The following CDH15 variants were observed in gnomAD, a reference collection of about 807,000 sequenced individuals.
The protein encoded by CDH15 is cadherin-15.
CDH15 carries 73 observed loss-of-function variants against 69.4 expected under a neutral mutation model. The observed-to-expected ratio is 1.05, with a 90% CI of 0.87 to 1.28. The LOEUF (loss-of-function observed/expected upper bound fraction) is 1.28, where lower values mean the gene tolerates loss of function less well. Among genes scored for constraint, CDH15 ranks in the 50% most tolerant of loss-of-function variants. CDH15 has a pLI of 0.00. For synonymous variants in CDH15, 624 were observed against 507.7 expected (o/e 1.23, Z -3.08); for missense variants, 1,343 against 1,133.6 (o/e 1.18, Z -2.65).
chr16:89,175,094 GCTCT>G (rs1915230944), intron 1 of CDH15, among the ~76,000 whole-genome samples: 10 of 152,234 alleles, frequency 6.6e-5, no homozygotes, highest in Admixed American at 6.5e-4. Context: ...CCCTGCCAAG[GCTCT>G]GTGGCTGCTG....
At chr16:89,178,322 C>T (rs1915301041) in intron 1 of CDH15, among the ~76,000 whole-genome samples, 1 of 152,174 alleles carries the variant, frequency 6.6e-6, no homozygotes, top group South Asian at 2.1e-4. Context: ...GCCCAGGCCC[C>T]ATCCCCGAGC....
At chr16:89,179,021 G>A (rs564562576) in intron 1 of CDH15, among the ~76,000 whole-genome samples, 1 of 152,184 alleles carries the variant, frequency 6.6e-6, no homozygotes, top group African/African-American at 2.4e-5. Flanking sequence ...TGTCCCCGCC[G>A]GGTGAATCTC....
In CDH15 at chr16:89,183,585, T is replaced by C; in HGVS notation, c.395T>C (p.Leu132Pro). The stretch of plus-strand genomic sequence containing the variant: ...GCCCTGGACCTGGGAGGATCCACCC[T>C]GGAGGACCCCACGGACCTGGAGATT... ...AFALDLGGST[L>P]EDPTDLEIVV... The change falls in exon 4 of 14, where the codon CTG becomes CCG. Residue 132 changes from leucine (L) to proline (P), a missense_variant. Coordinates refer to ENST00000289746, the MANE Select transcript of CDH15 (RefSeq NM_004933.3). 1 of 1,614,136 alleles carries C rather than the reference T, an allele frequency of 6.2e-7. No homozygotes were observed. Among genetic ancestry groups the C allele is most frequent in the Non-Finnish European group, 8.5e-7 (1 of 1,180,016 alleles).
chr16:89,194,675 C>T (rs1018494343), intron 13 of CDH15, among the ~76,000 whole-genome samples, 187 bp from the exon 14 acceptor site: 1 of 152,166 alleles, frequency 6.6e-6, no homozygotes, highest in Non-Finnish European at 1.5e-5. Flanking sequence ...TCCGTGGCAC[C>T]CTCTTCACAA....
intron 11 of CDH15, 137 bp downstream of exon 11, chr16:89,192,581 C>T (rs1915677332): frequency 3.3e-6 from 2 of 603,066 alleles, no homozygotes; most frequent in Non-Finnish European, 5.8e-6. Context: ...TTACCAGCCA[C>T]GCCGCTTCCT....
chr16:89,185,686 T>G (rs1915468321), intron 5 of CDH15: 1 of 367,912 alleles, frequency 2.7e-6, no homozygotes, highest in Non-Finnish European at 5.2e-6. Flanking sequence ...CTGTCGGACT[T>G]CGGTGCTCCC....
At chr16:89,188,405 T>C in intron 7 of CDH15, 120 bp downstream of exon 7, 2 of 669,784 alleles carry the variant, frequency 3.0e-6, no homozygotes, top group Admixed American at 2.1e-5. Context: ...CACACACACA[T>C]GCCGGCACAC....
intron 5 of CDH15, among the ~76,000 whole-genome samples, chr16:89,187,187 G>A (rs898753442): frequency 3.9e-5 from 6 of 152,206 alleles, no homozygotes; most frequent in African/African-American, 1.4e-4. Flanking sequence ...CTCTGTAAAC[G>A]CTTACCCAGT....
intron 5 of CDH15, 28 bp from the exon 6 acceptor site, chr16:89,187,401 C>T (rs569430157): frequency 1.2e-6 from 2 of 1,611,308 alleles, no homozygotes; most frequent in Middle Eastern, 1.7e-4. Flanking sequence ...GGGCCCTCAT[C>T]TTCTGACCCT....
At chr16:89,180,736 GT>G (rs1915357021) in intron 3 of CDH15, among the ~76,000 whole-genome samples, 1 of 151,890 alleles carries the variant, frequency 6.6e-6, no homozygotes, top group Non-Finnish European at 1.5e-5. Flanking sequence ...TTTGTTTTTT[GT>G]TTTTGAGATG....
At chr16:89,173,751 G>A (rs1209964850) in intron 1 of CDH15, among the ~76,000 whole-genome samples, 2 of 152,156 alleles carry the variant, frequency 1.3e-5, no homozygotes, top group East Asian at 1.9e-4. Context: ...TCCCCTGCTC[G>A]GGCCACCTCT....
At chr16:89,180,864 CAG>C in intron 3 of CDH15, among the ~76,000 whole-genome samples, 1 of 152,184 alleles carries the variant, frequency 6.6e-6, no homozygotes, top group East Asian at 1.9e-4. Context: ...GCTGGGACTA[CAG>C]GCCCCTGCCA....
intron 1 of CDH15, among the ~76,000 whole-genome samples, chr16:89,178,975 G>A (rs927990668): frequency 2.0e-5 from 3 of 152,194 alleles, no homozygotes; most frequent in Admixed American, 1.3e-4. Context: ...GGGGCTTTCC[G>A]TGTGCACCGC....
In CDH15 at chr16:89,188,242, G is replaced by T. The variant is rs374936482; in HGVS notation, c.935G>T (p.Arg312Leu). Residue 312 changes from arginine to leucine, a missense_variant, in exon 7 of 14, where the codon CGC (arginine) becomes CTC (leucine). Coordinates refer to ENST00000289746, the MANE Select transcript of CDH15 (RefSeq NM_004933.3). ...EGDPDGQFTI[R>L]TDPKTNEGVL... ...GACCCCGATGGGCAGTTCACCATCC[G>T]CACGGACCCCAAGACCAACGAGGGT... The T allele has an allele frequency of 3.3e-5, 54 of 1,613,488 alleles. No individual in the cohort carries two copies. Among genetic ancestry groups the T allele is most frequent in the Non-Finnish European group, 4.4e-5 (52 of 1,179,910 alleles).
chr16:89,193,424 G>T lies in CDH15; in HGVS notation c.1856-46G>T, dbSNP rs372783769. The T allele has an allele frequency of 1.4e-4, 209 of 1,514,478 alleles. No individual in the cohort carries two copies. In the African/African-American group the frequency reaches 2.5e-3, roughly 18 times the overall value. The allele number at this position is 1,514,478 out of a possible 1,614,324, so 93.8% of individuals were successfully genotyped here. A position where few individuals can be genotyped will look rare whatever the true frequency, so the allele number is the denominator to read the frequency against. On this transcript the variant is annotated intron_variant, in intron 11 of 13. Coordinates refer to ENST00000289746, the MANE Select transcript of CDH15 (RefSeq NM_004933.3). ...CTCCTTCGCAGCCCGGCCCCCTGAA[G>T]TCGCGCCCTGTGCCTGGCCCCAGCC...
At chr16:89,188,821 GA>G (rs1915561708) in intron 7 of CDH15, among the ~76,000 whole-genome samples, 3 of 67,030 alleles carry the variant, frequency 4.5e-5, no homozygotes, top group African/African-American at 2.0e-4. Context: ...CTGGCACACA[GA>G]TGCCCACGCA....
In CDH15 at chr16:89,190,371, C is replaced by G; in HGVS notation, c.1107C>G (p.Thr369=). 1.2e-6 allele frequency: 2 copies of G among 1,612,900 alleles called. No homozygotes were observed. The highest frequency in any genetic ancestry group is 1.7e-6 in the Non-Finnish European group (2 of 1,179,952). Residue 369 remains threonine, a synonymous_variant, in exon 8 of 14, where the codon ACC becomes ACG. Coordinates refer to ENST00000289746, the MANE Select transcript of CDH15 (RefSeq NM_004933.3). ...QAKVRVHVQD[T]NEPPVFQENP... is the part of the protein sequence containing the mutation. ...AGGTCCGCGTGCATGTGCAGGACAC[C>G]AACGAGCCCCCCGTGTTCCAGGAGA...
In CDH15 at chr16:89,191,458, T is replaced by C; in HGVS notation, c.1361T>C (p.Leu454Pro). ...LKGGWYRAIV[L>P]AQDDASQPRT... ...GGCGGCTGGTACAGAGCCATCGTCCTGGCCCAGGATGACGGTGAGCGGCGC... is the reference window on the plus strand; with the variant it reads ...GGCGGCTGGTACAGAGCCATCGTCCCGGCCCAGGATGACGGTGAGCGGCGC... The change falls in exon 9 of 14, where the codon CTG (leucine) becomes CCG (proline). Residue 454 changes from leucine (L) to proline (P), a missense_variant. Leu to Pro is a moderately conservative substitution (Grantham distance 98, BLOSUM62 -3). Transcript: ENST00000289746. 6.2e-7 allele frequency: 1 copy of C among 1,612,550 alleles called. No homozygotes were observed. Among genetic ancestry groups the C allele is most frequent in the Non-Finnish European group, 8.5e-7 (1 of 1,179,952 alleles).
chr16:89,189,296 CCCACACACAG>C, intron 7 of CDH15, among the ~76,000 whole-genome samples: 4 of 143,742 alleles, frequency 2.8e-5, no homozygotes, highest in African/African-American at 7.9e-5. Flanking sequence ...CACACAGATG[CCCACACACAG>C]ATGCCGGCAC....
Sources: allele counts gnomAD v4.1 joint callset (sites outside exome capture counted in the v4.1 genomes callset), GRCh38; gene constraint gnomAD v4.1.1; transcripts MANE v1.5; gene names NCBI Gene and HGNC (gene_info 2026-07-23, HGNC 2026-07-21).